The following CAPN13 variants were observed in gnomAD, a reference collection of about 807,000 sequenced individuals.
CAPN13 encodes the protein calpain-13.
A neutral mutation model predicts 98.4 loss-of-function variants in CAPN13; 90 were observed. The ratio of observed to expected loss-of-function variants is 0.92; its 90% CI spans 0.77 to 1.09. The LOEUF (loss-of-function observed/expected upper bound fraction) is 1.09, where lower values mean the gene tolerates loss of function less well. Ranked by LOEUF, CAPN13 falls within the 50% of genes least tolerant of loss-of-function variation. CAPN13 has a pLI of 0.00. For synonymous variants in CAPN13, 330 were observed against 305.5 expected (o/e 1.08, Z -0.84); for missense variants, 887 against 841.3 (o/e 1.05, Z -0.67).
At chr2:30,785,199 G>A (rs189140565) in intron 2 of CAPN13, among the ~76,000 whole-genome samples, 5 of 152,146 alleles carry the variant, frequency 3.3e-5, no homozygotes, top group African/African-American at 1.2e-4. Flanking sequence ...AGTCAGTGGG[G>A]GGAAAGTGCA....
At chr2:30,785,613 C>T (rs912954611) in intron 2 of CAPN13, among the ~76,000 whole-genome samples, 1 of 152,036 alleles carries the variant, frequency 6.6e-6, no homozygotes, top group African/African-American at 2.4e-5. Context: ...TCTCCTTGCC[C>T]CCAAAAGACA....
rs537043686 is a variant in CAPN13 at position 30,745,931 on chromosome 2, C to T, written c.1237-197G>A. Among the ~76,000 whole-genome samples the T allele has an allele frequency of 1.0e-3, 127 of 123,366 alleles. 1 individual carries two copies. Among genetic ancestry groups the T allele is most frequent in the African/African-American group, 3.8e-3 (118 of 30,668 alleles). The allele number at this position is 123,366 out of a possible 152,430, so 80.9% of individuals were successfully genotyped here. Reference sequence around the variant, plus strand: ...TTTTTTTTTTTTTGAGATGGAGTCTCGCTCTGTCACCCAGGCTGGAGTGCA... The same window carrying T: ...TTTTTTTTTTTTTGAGATGGAGTCTTGCTCTGTCACCCAGGCTGGAGTGCA... On this transcript the variant is annotated intron_variant, in intron 11 of 22. Transcript: ENST00000295055.
intron 14 of CAPN13, 57 bp downstream of exon 14, chr2:30,742,269 C>G: frequency 6.4e-7 from 1 of 1,565,670 alleles, no homozygotes; most frequent in Non-Finnish European, 8.7e-7. Context: ...GACGGAAGCT[C>G]TTGGGGATGG....
In CAPN13 at chr2:30,761,459, C is replaced by T. The variant is rs111799458; in HGVS notation, c.774+1623G>A. ...CCTAGGTGTTCACATAGCTGCTCTG[C>T]AACCCAGCAGTCACTGCCATCTCCA... On this transcript the variant is annotated intron_variant, in intron 7 of 22. Coordinates refer to ENST00000295055, the MANE Select transcript of CAPN13 (RefSeq NM_144575.3). 7.8e-3 allele frequency among the ~76,000 whole-genome samples: 1,185 copies of T among 152,290 alleles called. 12 individuals are homozygous for T. Among genetic ancestry groups the T allele is most frequent in the African/African-American group, 0.027 (1,128 of 41,564 alleles).
rs1490294477 is a variant in CAPN13 at position 30,741,888 on chromosome 2, CT to C, written c.1536+19del. 1.2e-6 allele frequency: 2 copies of C among 1,613,914 alleles called. No individual in the cohort carries two copies. The highest frequency in any genetic ancestry group is 1.1e-5 in the South Asian group (1 of 91,078). On this transcript the variant is annotated intron_variant, in intron 15 of 22. Transcript: ENST00000295055. ...CTTTCTCCAATCCCACGTAAGGCCC[CT>C]GGGTGCTAGGTACCATACCTGCTGA... is the stretch of plus-strand genomic sequence containing the variant.
At chr2:30,725,341 G>A (rs1214957578) in intron 22 of CAPN13, among the ~76,000 whole-genome samples, 6 of 152,226 alleles carry the variant, frequency 3.9e-5, no homozygotes, top group Non-Finnish European at 7.4e-5. Flanking sequence ...ATGATGGGAA[G>A]AGAGGAAGAG....
At chr2:30,749,399 T>A (rs558784967) in intron 11 of CAPN13, among the ~76,000 whole-genome samples, 1 of 152,348 alleles carries the variant, frequency 6.6e-6, no homozygotes, top group East Asian at 1.9e-4. Context: ...TCTCTCACTG[T>A]GAGGCCCTCT....
chr2:30,733,255 C>T (rs767441198), intron 19 of CAPN13, among the ~76,000 whole-genome samples: 4 of 152,112 alleles, frequency 2.6e-5, no homozygotes, highest in Non-Finnish European at 5.9e-5. Flanking sequence ...CATGAGCCTC[C>T]GGCAGCCAGA....
intron 5 of CAPN13, among the ~76,000 whole-genome samples, chr2:30,766,601 C>T (rs538105148): frequency 2.6e-5 from 4 of 152,324 alleles, no homozygotes; most frequent in East Asian, 3.9e-4. Context: ...CACTATTCCT[C>T]GTCACCTGAC....
chr2:30,726,000 C>T (rs1572771061), intron 22 of CAPN13, among the ~76,000 whole-genome samples: 1 of 152,072 alleles, frequency 6.6e-6, no homozygotes, highest in Non-Finnish European at 1.5e-5. Flanking sequence ...TAAGCTAATA[C>T]TAACAAATGC....
chr2:30,741,759 T>C (rs2147968054), intron 15 of CAPN13, 149 bp downstream of exon 15: 4 of 1,496,052 alleles, frequency 2.7e-6, no homozygotes, highest in Non-Finnish European at 3.6e-6. Context: ...ACAGCAGTTC[T>C]GGAGACGATC....
chr2:30,757,318 C>A (rs1056553527), intron 8 of CAPN13, among the ~76,000 whole-genome samples: 2 of 152,208 alleles, frequency 1.3e-5, no homozygotes, highest in Non-Finnish European at 2.9e-5. Flanking sequence ...GGCTGGGGGC[C>A]TAGGGGTCCA....
intron 18 of CAPN13, 76 bp from the exon 19 acceptor site, chr2:30,734,600 T>A: frequency 8.2e-7 from 1 of 1,212,946 alleles, no homozygotes; most frequent in African/African-American, 1.5e-5. Context: ...TCCTGGGAGC[T>A]TGCTTCCCTA....
intron 15 of CAPN13, among the ~76,000 whole-genome samples, chr2:30,740,491 G>C (rs1671601051): frequency 6.6e-6 from 1 of 152,204 alleles, no homozygotes; most frequent in Admixed American, 6.5e-5. Flanking sequence ...AACTTTCTTT[G>C]GAGGACACAG....
At chr2:30,765,501 T>A (rs1176354180) in intron 5 of CAPN13, among the ~76,000 whole-genome samples, 1 of 152,310 alleles carries the variant, frequency 6.6e-6, no homozygotes, top group African/African-American at 2.4e-5. Flanking sequence ...AAATCACACA[T>A]GATCAGGACC....
chr2:30,755,911 A>G (rs1384865454), intron 8 of CAPN13, among the ~76,000 whole-genome samples: 1 of 152,166 alleles, frequency 6.6e-6, no homozygotes, highest in African/African-American at 2.4e-5. Flanking sequence ...AATTTTAATT[A>G]TGGCTGAGAT....
rs1173023286 is a variant in CAPN13 at position 30,753,112 on chromosome 2, A to C, written c.1028T>G (p.Leu343Arg). 2 of 1,613,938 alleles carry C rather than the reference A, an allele frequency of 1.2e-6. No homozygotes were observed. The highest frequency in any genetic ancestry group is 1.3e-5 in the African/African-American group (1 of 75,044). The change falls in exon 10 of 23, where the codon CTC becomes CGC. Residue 343 changes from leucine to arginine, a missense_variant. Coordinates refer to ENST00000295055, the MANE Select transcript of CAPN13 (RefSeq NM_144575.3). ...IPITLDHGNT[L>R]HEGWSQIMFR... is the part of the protein sequence containing the mutation. The stretch of plus-strand genomic sequence containing the variant: ...CATTATTTGGGACCATCCTTCGTGG[A>C]GTGTGTTTCCATGGTCCAGGGTAAT...
rs528436516 is a variant in CAPN13 at position 30,802,875 on chromosome 2, G to T, written c.-33+4427C>A. ...TTCCAGAACAGGCAGGGAGCTGTGG[G>T]GAATCCCCACGCCCACCTAGGGCAG... On this transcript the variant is annotated intron_variant, in intron 1 of 22. Transcript: ENST00000295055. Among the ~76,000 whole-genome samples, 27 of 152,318 alleles carry T rather than the reference G, an allele frequency of 1.8e-4. 1 individual carries two copies. The highest frequency in any genetic ancestry group is 7.8e-4 in the Admixed American group (12 of 15,308).
At position 30,799,884 on chromosome 2, in the gene CAPN13, T is replaced by C. The variant is rs184925791; in HGVS notation, c.-33+7418A>G. Among the ~76,000 whole-genome samples, 637 of 151,990 alleles carry C rather than the reference T, an allele frequency of 4.2e-3. 5 individuals carry two copies. The highest frequency in any genetic ancestry group is 0.015 in the African/African-American group (604 of 41,438). ...GTCAGGAGATCGAGACCATCCTAGC[T>C]AACACGGTGAAACCCCGTCTCTACT... On this transcript the variant is annotated intron_variant, in intron 1 of 22. Transcript: ENST00000295055.
Sources: gnomAD v4.1 joint callset for allele counts (sites outside exome capture counted in the v4.1 genomes callset) on GRCh38, gnomAD v4.1.1 for gene constraint, MANE v1.5 for transcripts, NCBI Gene and HGNC (gene_info 2026-07-23, HGNC 2026-07-21) for gene names.